CEP128: variants seen among roughly 807,000 people sequenced by gnomAD.
The protein encoded by CEP128 is centrosomal protein 128.
Under a neutral mutation model 156.7 loss-of-function variants are expected in CEP128, and 132 were observed. The ratio of observed to expected loss-of-function variants is 0.84; its 90% CI spans 0.73 to 0.97. The LOEUF is 0.97. CEP128 is among the 50% of genes least tolerant of loss of function. The probability of loss-of-function intolerance (pLI) is 0.00; values close to 1 mark genes in which losing one functional copy is unlikely to be tolerated. For synonymous variants in CEP128, 469 were observed against 448.9 expected, an observed-to-expected ratio of 1.04 and a Z score of -0.57; for missense variants, 1,252 against 1,281.9, an observed-to-expected ratio of 0.98 and a Z score of 0.36.
At chr14:80,793,582 A>G (rs1901830731) in intron 13 of CEP128, among the ~76,000 whole-genome samples, 1 of 152,230 alleles carries the variant, frequency 6.6e-6, no homozygotes, top group African/African-American at 2.4e-5. Flanking sequence ...AGTGACAGAA[A>G]CATCAGCATA....
chr14:80,503,677 A>T (rs1887839721), intron 24 of CEP128, among the ~76,000 whole-genome samples: 2 of 152,174 alleles, frequency 1.3e-5, no homozygotes, highest in South Asian at 4.2e-4. Flanking sequence ...ACTTGGAGAA[A>T]GTTTTCCATT....
chr14:80,810,819 T>C (rs1884491142), intron 13 of CEP128, among the ~76,000 whole-genome samples: 2 of 152,170 alleles, frequency 1.3e-5, no homozygotes, highest in South Asian at 4.1e-4. Context: ...GATACATGTG[T>C]AGGATGTGCA....
intron 4 of CEP128, among the ~76,000 whole-genome samples, chr14:80,913,494 T>A (rs1884366201): frequency 6.6e-6 from 1 of 152,212 alleles, no homozygotes; most frequent in Admixed American, 6.5e-5. Context: ...CTCAAAATTG[T>A]TACCTCTTTT....
chr14:80,569,634 CA>C (rs1168080890), intron 20 of CEP128, among the ~76,000 whole-genome samples: 3 of 151,888 alleles, frequency 2.0e-5, no homozygotes, highest in Non-Finnish European at 4.4e-5. Context: ...AGGAAAAATT[CA>C]AAAAAATATT....
At chr14:80,942,690 T>G (rs908176331), upstream of CEP128, among the ~76,000 whole-genome samples, 1 of 152,174 alleles carries the variant, frequency 6.6e-6, no homozygotes, top group African/African-American at 2.4e-5. Context: ...TCCCCTCTAT[T>G]AGCCCTTCAA....
chr14:80,882,112 C>A (rs944520212), intron 8 of CEP128, among the ~76,000 whole-genome samples: 2 of 151,926 alleles, frequency 1.3e-5, no homozygotes, highest in East Asian at 3.9e-4. Context: ...AGCTTCTGTA[C>A]AGCAAAGGAA....
chr14:80,716,627 T>A (rs1897616660), intron 19 of CEP128, among the ~76,000 whole-genome samples: 1 of 152,236 alleles, frequency 6.6e-6, no homozygotes, highest in South Asian at 2.1e-4. Flanking sequence ...CTATACCATA[T>A]TTTATTTATC....
In CEP128 at chr14:80,584,625, G is replaced by A. The variant is rs539868155; in HGVS notation, c.2807-4202C>T. On this transcript the variant is annotated intron_variant, in intron 19 of 24. Transcript: ENST00000555265. The stretch of plus-strand genomic sequence containing the variant: ...ATGAACACGGTTATTAACCTGTGCT[G>A]ATGAAATATGGCTACTGGGCATCGC... Among the ~76,000 whole-genome samples the A allele has an allele frequency of 6.6e-5, 10 of 152,302 alleles. No individual in the cohort carries two copies. The South Asian group carries it at 2.1e-3, about 32-fold the overall frequency.
intron 13 of CEP128, 104 bp from the exon 14 acceptor site, chr14:80,793,214 T>C (rs1566630328): frequency 1.2e-6 from 1 of 840,674 alleles, no homozygotes; most frequent in East Asian, 2.5e-5. Flanking sequence ...GTGGAAATCA[T>C]CTGTATTAAA....
intron 19 of CEP128, among the ~76,000 whole-genome samples, chr14:80,637,440 C>T (rs1372616683): frequency 3.9e-5 from 6 of 152,130 alleles, no homozygotes; most frequent in Admixed American, 3.3e-4. Context: ...AGAATTCAAT[C>T]CATCTCATTT....
intron 19 of CEP128, among the ~76,000 whole-genome samples, chr14:80,622,717 A>G (rs1223070240): frequency 2.0e-5 from 3 of 150,878 alleles, no homozygotes; most frequent in Non-Finnish European, 4.4e-5. Context: ...AATGCTCACC[A>G]TCACTGGCCA....
In CEP128 at chr14:80,895,780, C is replaced by T. The variant is rs754026806; in HGVS notation, c.583G>A (p.Glu195Lys). 1.3e-5 allele frequency: 20 copies of T among 1,506,398 alleles called. No individual in the cohort carries two copies. Among genetic ancestry groups the T allele is most frequent in the Middle Eastern group, 3.6e-4 (2 of 5,524 alleles). The allele number at this position is 1,506,398 out of a possible 1,614,324, so 93.3% of individuals were successfully genotyped here. A position where few individuals can be genotyped will look rare whatever the true frequency, so the allele number is the denominator to read the frequency against. ...AATTCTTCCAAAGCCCTTTTTGTTT[C>T]GGCATCTGACCTAGGAAGAAAAAAA... ...ELSRRSRSDA[E>K]TKRALEELTE... The change falls in exon 8 of 25, where the codon GAA (glutamate) becomes AAA (lysine). Residue 195 changes from glutamate (E) to lysine (K), a missense_variant. Coordinates refer to ENST00000555265, the MANE Select transcript of CEP128 (RefSeq NM_152446.5).
At chr14:80,776,975 TCTA>T (rs1225503923) in intron 16 of CEP128, among the ~76,000 whole-genome samples, 1 of 152,146 alleles carries the variant, frequency 6.6e-6, no homozygotes, top group African/African-American at 2.4e-5. Context: ...ATTTTACACA[TCTA>T]CTCAAAGGAA....
chr14:80,842,647 T>C (rs772950090), intron 9 of CEP128, among the ~76,000 whole-genome samples: 3 of 151,998 alleles, frequency 2.0e-5, no homozygotes, highest in Non-Finnish European at 4.4e-5. Context: ...TTTTTAAGGG[T>C]GTAAGCCTGC....
At chr14:80,877,203 T>C (rs533087335) in intron 8 of CEP128, among the ~76,000 whole-genome samples, 1 of 151,264 alleles carries the variant, frequency 6.6e-6, no homozygotes, top group East Asian at 1.9e-4. Flanking sequence ...AGACGTGGAA[T>C]ACAGAAAAAT....
At chr14:80,740,494 C>CTAGATAGATAGA (rs200610505) in intron 19 of CEP128, among the ~76,000 whole-genome samples, 13 of 140,914 alleles carry the variant, frequency 9.2e-5, no homozygotes, top group East Asian at 2.1e-4. Flanking sequence ...ATATTTATAT[C>CTAGATAGATAGA]TAGATAGATA....
intron 19 of CEP128, among the ~76,000 whole-genome samples, chr14:80,647,055 A>G (rs754137866): frequency 0.56 from 20,428 of 36,158 alleles, 4,994 homozygotes; most frequent in Non-Finnish European, 0.61. Flanking sequence ...ATATATATAT[A>G]TATATATATA....
In CEP128 at chr14:80,793,012, C is replaced by T. The variant is rs995447979; in HGVS notation, c.1308G>A (p.Glu436=). 1.9e-6 allele frequency: 3 copies of T among 1,614,176 alleles called. No homozygotes were observed. The highest frequency in any genetic ancestry group is 8.5e-7 in the Non-Finnish European group (1 of 1,180,024). Residue 436 remains glutamate, a synonymous_variant, in exon 14 of 25, where the codon GAG becomes GAA. Coordinates refer to ENST00000555265, the MANE Select transcript of CEP128 (RefSeq NM_152446.5). ...AGATCTGAAGGTCAGCATGCTTACG[C>T]TCGGCCTCACATGTGTCAAAGTGAT... ...IQNHFDTCEA[E]RKHADLQISE...
At chr14:80,591,134 C>G (rs183927267) in intron 19 of CEP128, among the ~76,000 whole-genome samples, 1 of 152,232 alleles carries the variant, frequency 6.6e-6, no homozygotes, top group Admixed American at 6.5e-5. Context: ...ATCATAATGA[C>G]AGGATCAAAT....
Sources: gnomAD v4.1 joint callset for allele counts (sites outside exome capture counted in the v4.1 genomes callset) on GRCh38, gnomAD v4.1.1 for gene constraint, MANE v1.5 for transcripts, NCBI Gene and HGNC (gene_info 2026-07-23, HGNC 2026-07-21) for gene names.